Variants in CHRM3 observed in about 807,000 individuals in gnomAD.
CHRM3 encodes the protein muscarinic acetylcholine receptor M3.
A neutral mutation model predicts 41.8 loss-of-function variants in CHRM3; 11 were observed. The observed-to-expected ratio is 0.26, with a 90% CI of 0.17 to 0.44. The LOEUF is 0.44. CHRM3 is among the 20% of genes least tolerant of loss of function. The probability of loss-of-function intolerance (pLI) is 1.00; values close to 1 mark genes in which losing one functional copy is unlikely to be tolerated. For missense variants in CHRM3, 571 were observed against 745.4 expected (o/e 0.77, Z 2.72); for synonymous variants, 297 against 301.4 (o/e 0.99, Z 0.15).
intron 3 of CHRM3, among the ~76,000 whole-genome samples, chr1:239,574,255 C>CAG (rs1366158987): frequency 6.6e-6 from 1 of 152,142 alleles, no homozygotes; most frequent in East Asian, 1.9e-4. Flanking sequence ...CCATTTCACT[C>CAG]AGAGAAAAAG....
intron 1 of CHRM3, among the ~76,000 whole-genome samples, chr1:239,468,258 A>G (rs995771897): frequency 3.9e-5 from 6 of 152,208 alleles, no homozygotes; most frequent in Non-Finnish European, 5.9e-5. Context: ...AATAAGATAT[A>G]TCAAGCTATA....
intron 6 of CHRM3, among the ~76,000 whole-genome samples, chr1:239,857,959 G>A (rs946634229): frequency 3.3e-5 from 5 of 151,988 alleles, no homozygotes; most frequent in African/African-American, 1.2e-4. Flanking sequence ...CTCAGAAAAA[G>A]GGGGAATTAA....
chr1:239,582,742 C>T (rs1222695003), intron 3 of CHRM3, among the ~76,000 whole-genome samples: 1 of 152,140 alleles, frequency 6.6e-6, no homozygotes, highest in East Asian at 1.9e-4. Context: ...TAACTGGCCA[C>T]TTAACTATGT....
intron 6 of CHRM3, among the ~76,000 whole-genome samples, chr1:239,854,687 G>A (rs1031427358): frequency 6.6e-6 from 1 of 152,000 alleles, no homozygotes; most frequent in African/African-American, 2.4e-5. Flanking sequence ...ATTATTTCCA[G>A]AGAAGAAATA....
chr1:239,814,571 A>G (rs912145293), intron 5 of CHRM3, among the ~76,000 whole-genome samples: 5 of 152,070 alleles, frequency 3.3e-5, no homozygotes, highest in African/African-American at 1.2e-4. Context: ...CAAGATGCCA[A>G]TGAGATTGCC....
At chr1:239,610,887 A>G (rs1389947952) in intron 3 of CHRM3, among the ~76,000 whole-genome samples, 3 of 152,154 alleles carry the variant, frequency 2.0e-5, no homozygotes, top group African/African-American at 4.8e-5. Flanking sequence ...CCCCGTCTCT[A>G]CTAAAAATAC....
At chr1:239,814,117 C>T (rs1172894563) in intron 5 of CHRM3, among the ~76,000 whole-genome samples, 1 of 152,100 alleles carries the variant, frequency 6.6e-6, no homozygotes, top group African/African-American at 2.4e-5. Flanking sequence ...CTATTTAAGT[C>T]TAAATTTAAA....
At chr1:239,582,668 C>T (rs1302247887) in intron 3 of CHRM3, among the ~76,000 whole-genome samples, 1 of 152,090 alleles carries the variant, frequency 6.6e-6, no homozygotes, top group Non-Finnish European at 1.5e-5. Context: ...TTAAGTTGAT[C>T]TCTTCAATAC....
chr1:239,609,909 T>C (rs1472250402), intron 3 of CHRM3, among the ~76,000 whole-genome samples: 1 of 151,984 alleles, frequency 6.6e-6, no homozygotes, highest in Non-Finnish European at 1.5e-5. Flanking sequence ...AAAAGTACTA[T>C]AGGCCGGGCG....
At chr1:239,530,699 T>C (rs1355871513) in intron 2 of CHRM3, among the ~76,000 whole-genome samples, 1 of 151,868 alleles carries the variant, frequency 6.6e-6, no homozygotes, top group Non-Finnish European at 1.5e-5. Context: ...AATAACAAAA[T>C]GAAAACTTAG....
chr1:239,907,991 A>G lies in CHRM3; in HGVS notation c.540A>G (p.Arg180=), dbSNP rs200171004. The part of the protein sequence containing the change: ...ITRPLTYRAK[R]TTKRAGVMIG... ...GGCCGCTCACGTACCGAGCCAAACGAACAACAAAGAGAGCCGGTGTGATGA... is the reference window on the plus strand; with the variant it reads ...GGCCGCTCACGTACCGAGCCAAACGGACAACAAAGAGAGCCGGTGTGATGA... Residue 180 remains arginine (R), a synonymous_variant, in exon 7 of 7, where the codon CGA becomes CGG. Coordinates refer to ENST00000676153, the MANE Select transcript of CHRM3 (RefSeq NM_001375978.1). The surrounding 1 kb of genome is among the most constrained non-coding windows in gnomAD (Gnocchi z 5.4). 7.4e-6 allele frequency: 12 copies of G among 1,614,164 alleles called. No homozygotes were observed. The highest frequency in any genetic ancestry group is 9.3e-6 in the Non-Finnish European group (11 of 1,180,026).
At chr1:239,788,163 G>T (rs966271212) in intron 5 of CHRM3, among the ~76,000 whole-genome samples, 1 of 152,094 alleles carries the variant, frequency 6.6e-6, no homozygotes, top group African/African-American at 2.4e-5. Flanking sequence ...TTGAGCCCAG[G>T]AGTTTGAGGC....
chr1:239,648,332 A>C (rs1432309217), intron 4 of CHRM3, among the ~76,000 whole-genome samples: 2 of 152,052 alleles, frequency 1.3e-5, no homozygotes, highest in Non-Finnish European at 2.9e-5. Context: ...AGAGCCACTG[A>C]CTTGAGGTTT....
intron 1 of CHRM3, among the ~76,000 whole-genome samples, chr1:239,416,749 G>T (rs1457302773): frequency 6.6e-6 from 1 of 152,142 alleles, no homozygotes; most frequent in African/African-American, 2.4e-5. Context: ...CTCTCCAGTA[G>T]ATTAGAAAGA....
At chr1:239,519,748 T>TTTC (rs1669503927) in intron 2 of CHRM3, among the ~76,000 whole-genome samples, 1 of 129,912 alleles carries the variant, frequency 7.7e-6, no homozygotes, top group Non-Finnish European at 1.7e-5. Context: ...GTTCTTTTTT[T>TTTC]TTTTTTTTTT....
chr1:239,742,092 G>GT (rs11286028), intron 5 of CHRM3, among the ~76,000 whole-genome samples: 1 of 149,932 alleles, frequency 6.7e-6, no homozygotes, highest in African/African-American at 2.4e-5. Flanking sequence ...GCATGCATAC[G>GT]TTTTTTTTTT....
At chr1:239,711,550 G>T (rs1661789856) in intron 5 of CHRM3, among the ~76,000 whole-genome samples, 1 of 151,888 alleles carries the variant, frequency 6.6e-6, no homozygotes, top group Non-Finnish European at 1.5e-5. Flanking sequence ...AGTTCATCAA[G>T]TTCCAGAGGA....
chr1:239,578,284 C>G (rs1420041923), intron 3 of CHRM3, among the ~76,000 whole-genome samples: 1 of 152,086 alleles, frequency 6.6e-6, no homozygotes, highest in African/African-American at 2.4e-5. Flanking sequence ...TTCAAGAAAC[C>G]TTTGGCACAT....
chr1:239,759,310 A>G (rs1275902412), intron 5 of CHRM3, among the ~76,000 whole-genome samples: 1 of 144,574 alleles, frequency 6.9e-6, no homozygotes, highest in East Asian at 2.0e-4. Context: ...GAAACACATT[A>G]TTTTGAAAAA....
Sources: allele counts gnomAD v4.1 joint callset (sites outside exome capture counted in the v4.1 genomes callset), GRCh38; gene constraint gnomAD v4.1.1; non-coding constraint Gnocchi (gnomAD v3.1); transcripts MANE v1.5; gene names NCBI Gene and HGNC (gene_info 2026-07-23, HGNC 2026-07-21).